The following TNFRSF10D variants were observed in gnomAD, a reference collection of about 807,000 sequenced individuals.
TNFRSF10D encodes the protein tumor necrosis factor receptor superfamily member 10D.
Under a neutral mutation model 42.1 loss-of-function variants are expected in TNFRSF10D, and 28 were observed. The ratio of observed to expected loss-of-function variants is 0.66; its 90% CI spans 0.49 to 0.91. The LOEUF is 0.91. Among genes scored for constraint, TNFRSF10D ranks in the 40% least tolerant of loss-of-function variants. TNFRSF10D has a pLI of 0.00. For missense variants in TNFRSF10D, 503 were observed against 486.1 expected (o/e 1.03, Z -0.33); for synonymous variants, 186 against 189.4 (o/e 0.98, Z 0.15).
At chr8:23,147,807 A>G (rs1037303560) in intron 3 of TNFRSF10D, among the ~76,000 whole-genome samples, 1 of 152,070 alleles carries the variant, frequency 6.6e-6, no homozygotes, top group African/African-American at 2.4e-5. Context: ...TCATGCCTGT[A>G]AGCCCAGTAC....
At chr8:23,148,677 G>T in intron 2 of TNFRSF10D, 126 bp from the exon 3 acceptor site, 1 of 605,696 alleles carries the variant, frequency 1.7e-6, no homozygotes, top group Non-Finnish European at 3.0e-6. Context: ...TTCTTGGCTT[G>T]GTCTTGTCAT....
intron 2 of TNFRSF10D, among the ~76,000 whole-genome samples, chr8:23,149,061 G>A (rs1427617608): frequency 6.6e-6 from 1 of 150,562 alleles, no homozygotes; most frequent in African/African-American, 2.4e-5. Context: ...GTGGTGGCAG[G>A]CACCTGTAAT....
intron 2 of TNFRSF10D, among the ~76,000 whole-genome samples, chr8:23,153,024 G>A (rs1005282624): frequency 6.6e-6 from 1 of 152,120 alleles, no homozygotes; most frequent in Non-Finnish European, 1.5e-5. Context: ...TGGCATAAAC[G>A]AAGATAAACT....
chr8:23,157,585 T>C (rs573645866), intron 1 of TNFRSF10D, among the ~76,000 whole-genome samples: 62 of 152,214 alleles, frequency 4.1e-4, no homozygotes, highest in Non-Finnish European at 6.9e-4. Flanking sequence ...TGCAGATCGC[T>C]TGCCACTTTA....
intron 7 of TNFRSF10D, among the ~76,000 whole-genome samples, chr8:23,140,966 C>T (rs539095503): frequency 5.9e-5 from 9 of 152,256 alleles, no homozygotes; most frequent in Non-Finnish European, 1.0e-4. Flanking sequence ...TTTGGCTAGC[C>T]ATATGCAGAA....
chr8:23,159,106 T>A (rs1350244418), intron 1 of TNFRSF10D, among the ~76,000 whole-genome samples: 1 of 150,186 alleles, frequency 6.7e-6, no homozygotes, highest in Non-Finnish European at 1.5e-5. Flanking sequence ...TGTGTGTGTG[T>A]GTCTGTGTCT....
At chr8:23,139,515 C>T (rs949757562) in intron 7 of TNFRSF10D, among the ~76,000 whole-genome samples, 9 of 151,914 alleles carry the variant, frequency 5.9e-5, no homozygotes, top group Non-Finnish European at 1.3e-4. Flanking sequence ...TAGAAAGTTC[C>T]CATTGGAACA....
chr8:23,147,867 C>T (rs1403105962), intron 3 of TNFRSF10D, among the ~76,000 whole-genome samples: 1 of 151,876 alleles, frequency 6.6e-6, no homozygotes, highest in Admixed American at 6.6e-5. Flanking sequence ...TCGAGACCAT[C>T]CTGGCTAACA....
chr8:23,150,307 G>A (rs968235396), intron 2 of TNFRSF10D, among the ~76,000 whole-genome samples: 1 of 152,200 alleles, frequency 6.6e-6, no homozygotes, highest in African/African-American at 2.4e-5. Context: ...CCCTCATGGA[G>A]CCAGGCCTCA....
chr8:23,136,167 C>A lies in TNFRSF10D; in HGVS notation c.*1703G>T. The A allele has an allele frequency of 3.7e-6, 1 of 266,994 alleles. No individual in the cohort carries two copies. The allele number at this position is 266,994 out of a possible 1,614,324, so 16.5% of individuals were successfully genotyped here. A position where few individuals can be genotyped will look rare whatever the true frequency, so the allele number is the denominator to read the frequency against. ...TGACTATATCCGTAATTTATCCTAC[C>A]ACGACTGGGCTACTGTGGAGAAGAG... On this transcript the variant is annotated 3_prime_UTR_variant, in exon 9 of 9. Transcript: ENST00000312584.
At position 23,145,087 on chromosome 8, in the gene TNFRSF10D, C is replaced by T. The variant is rs1054330580; in HGVS notation, c.739G>A (p.Gly247Ser). Reference sequence around the variant, plus strand: ...TGCACACGTTCGGGACCTCCTCCACCACCTGGAAAAGAAGCAGTCTCCTGA... The same window carrying T: ...TGCACACGTTCGGGACCTCCTCCACTACCTGGAAAAGAAGCAGTCTCCTGA... The part of the protein sequence containing the change: ...ISYLKGICSG[G>S]GGGPERVHRV... Residue 247 changes from glycine (G) to serine (S), a missense_variant and splice_region_variant, in exon 6 of 9, where the codon GGT (glycine) becomes AGT (serine). Coordinates refer to ENST00000312584, the MANE Select transcript of TNFRSF10D (RefSeq NM_003840.5). 6.2e-7 allele frequency: 1 copy of T among 1,614,118 alleles called. No individual in the cohort carries two copies. Among genetic ancestry groups the T allele is most frequent in the South Asian group, 1.1e-5 (1 of 91,086 alleles).
rs193201133 is a variant in TNFRSF10D, at chr8:23,147,031, C to A, written c.412G>T (p.Val138Leu). ...KSSCTTTRDT[V>L]CQCEKGSFQD... ...AAGCTTCCTTTTTCACACTGACACACGGTGTCTCTGGTCGTGGTACAGGAA... is the reference window on the plus strand; with the variant it reads ...AAGCTTCCTTTTTCACACTGACACAAGGTGTCTCTGGTCGTGGTACAGGAA... Residue 138 changes from valine (V) to leucine (L), a missense_variant, in exon 4 of 9, where the codon GTG becomes TTG. Transcript: ENST00000312584. 1 of 1,613,678 alleles carries A rather than the reference C, an allele frequency of 6.2e-7. No individual in the cohort carries two copies. The highest frequency in any genetic ancestry group is 1.3e-5 in the African/African-American group (1 of 74,614).
chr8:23,151,969 G>C (rs1301377512), intron 2 of TNFRSF10D, among the ~76,000 whole-genome samples: 1 of 152,026 alleles, frequency 6.6e-6, no homozygotes, highest in Non-Finnish European at 1.5e-5. Context: ...AAACTTATTT[G>C]TCCCGGTGGA....
Position 23,144,651 on chromosome 8 carries a change from A to G in TNFRSF10D, c.769-16T>C, listed in dbSNP as rs770916460. 6.2e-7 allele frequency: 1 copy of G among 1,608,772 alleles called. No homozygotes were observed. Among genetic ancestry groups the G allele is most frequent in the Non-Finnish European group, 8.5e-7 (1 of 1,176,860 alleles). ...GGAAAAGGACCTTGGGAAGACAAAG[A>G]GCCCACTCAAGTCCACACCCCGGGC... On this transcript the variant is annotated splice_polypyrimidine_tract_variant and intron_variant, in intron 6 of 8. Transcript: ENST00000312584.
At chr8:23,143,868 TA>T (rs932316312) in intron 7 of TNFRSF10D, among the ~76,000 whole-genome samples, 1 of 149,114 alleles carries the variant, frequency 6.7e-6, no homozygotes, top group Non-Finnish European at 1.5e-5. Context: ...GGAAAGAACT[TA>T]AAAAAAAACA....
chr8:23,150,986 A>G (rs1305420302), intron 2 of TNFRSF10D, among the ~76,000 whole-genome samples: 1 of 152,232 alleles, frequency 6.6e-6, no homozygotes, highest in Non-Finnish European at 1.5e-5. Flanking sequence ...AAAGGAACAG[A>G]AAGTGTAATT....
In TNFRSF10D at chr8:23,136,833, C is replaced by T. The variant is rs756678010; in HGVS notation, c.*1037G>A. 2 of 151,834 alleles carry T rather than the reference C, an allele frequency of 1.3e-5. No individual in the cohort carries two copies. Among genetic ancestry groups the T allele is most frequent in the African/African-American group, 4.8e-5 (2 of 41,338 alleles). 9.4% of individuals were successfully genotyped at this position (151,834 alleles called of 1,614,324 possible). On this transcript the variant is annotated 3_prime_UTR_variant, in exon 9 of 9. Transcript: ENST00000312584. ...TATAAATAAATATGGCTATATACCT[C>T]TAAAATTAACAAGTAAGACAAGCTG...
At chr8:23,158,837 A>G (rs1209584710) in intron 1 of TNFRSF10D, among the ~76,000 whole-genome samples, 1 of 152,178 alleles carries the variant, frequency 6.6e-6, no homozygotes, top group African/African-American at 2.4e-5. Context: ...CAAAGTGTAC[A>G]TTTTTGAAGC....
Position 23,145,061 on chromosome 8 carries a change from G to A in TNFRSF10D, c.765C>T (p.His255=), listed in dbSNP as rs745851180. The A allele has an allele frequency of 3.7e-6, 6 of 1,614,130 alleles. No individual in the cohort carries two copies. The highest frequency in any genetic ancestry group is 4.5e-5 in the East Asian group (2 of 44,870). Residue 255 remains histidine, a synonymous_variant, in exon 6 of 9, where the codon CAC becomes CAT. Transcript: ENST00000312584. The stretch of plus-strand genomic sequence containing the variant: ...GTTTCTGGAGAAACCAACTCACTCT[G>A]TGCACACGTTCGGGACCTCCTCCAC... ...SGGGGGPERV[H]RVLFRRRSCP...
Sources: allele counts gnomAD v4.1 joint callset (sites outside exome capture counted in the v4.1 genomes callset), GRCh38; gene constraint gnomAD v4.1.1; transcripts MANE v1.5; gene names NCBI Gene and HGNC (gene_info 2026-07-23, HGNC 2026-07-21).